Variants in WDPCP observed in about 807,000 individuals in gnomAD.
The protein encoded by WDPCP is WD repeat containing planar cell polarity effector.
WDPCP carries 71 observed loss-of-function variants against 93.1 expected under a neutral mutation model. That is an observed-to-expected ratio of 0.76 (90% CI 0.63 to 0.93). The LOEUF (loss-of-function observed/expected upper bound fraction) is 0.93. Among genes scored for constraint, WDPCP ranks in the 40% least tolerant of loss-of-function variants. The pLI is 0.00. For synonymous variants in WDPCP, 315 were observed against 315.0 expected (o/e 1.00, Z 0.00); for missense variants, 844 against 887.4 (o/e 0.95, Z 0.62).
At chr2:63,604,842 T>C (rs1575726919) in intron 3 of WDPCP, 1 of 1,614,212 alleles carries the variant, frequency 6.2e-7, no homozygotes, top group Non-Finnish European at 8.5e-7. Context: ...CTCTGAAAGA[T>C]GACAGCTGGC....
chr2:63,359,852 G>A (rs575621020), intron 12 of WDPCP: 2 of 152,248 alleles, frequency 1.3e-5, no homozygotes, highest in East Asian at 3.9e-4. Flanking sequence ...AGGCTGAGGC[G>A]GGTGGATCAC....
chr2:63,787,855 C>A (rs1317079931), intron 2 of WDPCP, among the ~76,000 whole-genome samples: 1 of 151,946 alleles, frequency 6.6e-6, no homozygotes, highest in Non-Finnish European at 1.5e-5. Flanking sequence ...GCCTGGCTAA[C>A]ATGGTAAGAC....
rs569843190 is a variant in WDPCP at position 63,141,545 on chromosome 2, A to G, written c.2190+11369T>C. Among the ~76,000 whole-genome samples, 24 of 152,324 alleles carry G rather than the reference A, an allele frequency of 1.6e-4. No homozygotes were observed. In the South Asian group the frequency reaches 2.5e-3, roughly 16 times the overall value. On this transcript the variant is annotated intron_variant, in intron 17 of 17. Transcript: ENST00000272321. ...GCTAGTAGTTGTTAAGAAGTTTAAC[A>G]TCAATGTTCATCAAGGATATCGGTC... is the stretch of plus-strand genomic sequence containing the variant.
At chr2:63,325,908 G>A (rs1204736182) in intron 12 of WDPCP, among the ~76,000 whole-genome samples, 1 of 152,162 alleles carries the variant, frequency 6.6e-6, no homozygotes, top group Non-Finnish European at 1.5e-5. Flanking sequence ...GATAGCTCTT[G>A]GAGTCCTTAC....
chr2:63,608,141 ATTG>A (rs1488015679), intron 3 of WDPCP, among the ~76,000 whole-genome samples: 7 of 152,206 alleles, frequency 4.6e-5, no homozygotes, highest in African/African-American at 1.7e-4. Flanking sequence ...TGCAGATAAT[ATTG>A]TTAACAGTGT....
At chr2:63,331,888 T>C (rs1688000349) in intron 12 of WDPCP, among the ~76,000 whole-genome samples, 1 of 152,106 alleles carries the variant, frequency 6.6e-6, no homozygotes, top group South Asian at 2.1e-4. Context: ...TCTTTAGAGA[T>C]TCATCCATTT....
intron 1 of WDPCP, among the ~76,000 whole-genome samples, chr2:63,822,518 T>C (rs1026039428): frequency 1.3e-5 from 2 of 152,190 alleles, no homozygotes; most frequent in African/African-American, 4.8e-5. Context: ...AACTCACAGA[T>C]TTGAAAAAGT....
intron 6 of WDPCP, among the ~76,000 whole-genome samples, chr2:63,452,378 C>A (rs1184208550): frequency 6.6e-6 from 1 of 152,160 alleles, no homozygotes; most frequent in Non-Finnish European, 1.5e-5. Context: ...AGGAATCCAA[C>A]TTACAAGGGA....
intron 2 of WDPCP, among the ~76,000 whole-genome samples, chr2:63,743,667 C>T (rs1326271260): frequency 6.6e-6 from 1 of 152,046 alleles, no homozygotes; most frequent in Non-Finnish European, 1.5e-5. Context: ...AGGCCATGTG[C>T]ACAGTTGAGC....
intron 1 of WDPCP, among the ~76,000 whole-genome samples, chr2:63,825,301 T>C (rs959087448): frequency 6.6e-6 from 1 of 152,168 alleles, no homozygotes; most frequent in African/African-American, 2.4e-5. Context: ...AAGGCTCTTA[T>C]CTTCTGACTT....
intron 9 of WDPCP, among the ~76,000 whole-genome samples, chr2:63,426,984 A>C (rs1413833618): frequency 6.6e-6 from 1 of 152,232 alleles, no homozygotes; most frequent in Admixed American, 6.5e-5. Flanking sequence ...CGAGAAGGAC[A>C]AAGAAGGGTA....
chr2:63,832,791 C>A (rs1671233792), upstream of WDPCP, among the ~76,000 whole-genome samples: 1 of 152,074 alleles, frequency 6.6e-6, no homozygotes, highest in African/African-American at 2.4e-5. Context: ...GAGACATGGT[C>A]CTTGCTCTTA....
At chr2:63,505,047 G>C (rs1279909495) in intron 1 of WDPCP, among the ~76,000 whole-genome samples, 1 of 151,796 alleles carries the variant, frequency 6.6e-6, no homozygotes, top group Non-Finnish European at 1.5e-5. Flanking sequence ...ACCCTTATTT[G>C]GTAGTGGCAC....
chr2:63,156,762 A>C (rs758924224), intron 15 of WDPCP, among the ~76,000 whole-genome samples: 24 of 152,060 alleles, frequency 1.6e-4, no homozygotes, highest in Non-Finnish European at 2.5e-4. Context: ...AAAGAAATAC[A>C]ATTGATTTTT....
chr2:63,305,143 G>A (rs916451188), intron 13 of WDPCP, among the ~76,000 whole-genome samples: 2 of 152,124 alleles, frequency 1.3e-5, no homozygotes, highest in East Asian at 3.9e-4. Context: ...CAGAGCACCT[G>A]GGGGAAAGGG....
intron 4 of WDPCP, among the ~76,000 whole-genome samples, chr2:63,485,772 T>C (rs1309054045): frequency 6.6e-6 from 1 of 151,804 alleles, no homozygotes; most frequent in Non-Finnish European, 1.5e-5. Flanking sequence ...TTAATAATTC[T>C]AAATGAGTTA....
intron 6 of WDPCP, among the ~76,000 whole-genome samples, chr2:63,451,765 C>T (rs552559739): frequency 6.6e-6 from 1 of 152,306 alleles, no homozygotes; most frequent in Admixed American, 6.5e-5. Context: ...TGGGCTTCAT[C>T]CCTGGGATGC....
At chr2:63,674,718 A>T (rs1159161986) in intron 2 of WDPCP, among the ~76,000 whole-genome samples, 4 of 13,882 alleles carry the variant, frequency 2.9e-4, no homozygotes, top group Non-Finnish European at 4.1e-4. Flanking sequence ...TTGACGCTAC[A>T]AAAAAAAAAA....
chr2:63,576,057 C>T (rs1167617507), intron 1 of WDPCP, among the ~76,000 whole-genome samples: 2 of 152,106 alleles, frequency 1.3e-5, no homozygotes, highest in Admixed American at 1.3e-4. Context: ...TTTTCCTACC[C>T]TCACACACCA....
Sources: gnomAD v4.1 joint callset for allele counts (sites outside exome capture counted in the v4.1 genomes callset) on GRCh38, gnomAD v4.1.1 for gene constraint, MANE v1.5 for transcripts, NCBI Gene and HGNC (gene_info 2026-07-23, HGNC 2026-07-21) for gene names.